The following HS6ST3 variants were observed in gnomAD, a reference collection of about 807,000 sequenced individuals.
HS6ST3 encodes the protein heparan-sulfate 6-O-sulfotransferase 3.
Under a neutral mutation model 36.7 loss-of-function variants are expected in HS6ST3, and 12 were observed. The ratio of observed to expected loss-of-function variants is 0.33; its 90% confidence interval spans 0.21 to 0.53. The LOEUF (loss-of-function observed/expected upper bound fraction) is 0.53. Ranked by LOEUF, HS6ST3 falls within the 20% of genes least tolerant of loss-of-function variation. The pLI, the probability that HS6ST3 is intolerant of heterozygous loss-of-function variation, is 0.95. For synonymous variants in HS6ST3, 240 were observed against 257.5 expected (o/e 0.93, Z 0.65); for missense variants, 584 against 640.9 (o/e 0.91, Z 0.96).
intron 1 of HS6ST3, among the ~76,000 whole-genome samples, chr13:96,484,005 C>G (rs1418759043): frequency 1.3e-5 from 2 of 152,136 alleles, no homozygotes; most frequent in Non-Finnish European, 2.9e-5. Context: ...AAAAGACTAT[C>G]TTTCCTTCAT....
chr13:96,439,348 G>T (rs966507410), intron 1 of HS6ST3, among the ~76,000 whole-genome samples: 2 of 152,254 alleles, frequency 1.3e-5, no homozygotes, highest in African/African-American at 4.8e-5. Context: ...TAGACTGGCT[G>T]TGGTAATCTC....
At chr13:96,260,514 C>T (rs2054660392) in intron 1 of HS6ST3, among the ~76,000 whole-genome samples, 2 of 151,798 alleles carry the variant, frequency 1.3e-5, no homozygotes, top group African/African-American at 4.8e-5. Context: ...GGGGTTTCAC[C>T]ATGTTAGCCA....
At chr13:96,375,464 A>G (rs377071676) in intron 1 of HS6ST3, among the ~76,000 whole-genome samples, 22 of 152,334 alleles carry the variant, frequency 1.4e-4, no homozygotes, top group African/African-American at 5.3e-4. Flanking sequence ...ATGCACAAAA[A>G]ATACTCATTG....
chr13:96,712,042 C>T (rs910462314), intron 1 of HS6ST3, among the ~76,000 whole-genome samples: 2 of 152,180 alleles, frequency 1.3e-5, no homozygotes, highest in Non-Finnish European at 2.9e-5. Flanking sequence ...TTGTGTTGAA[C>T]TCCATTTTCC....
intron 1 of HS6ST3, among the ~76,000 whole-genome samples, chr13:96,774,175 G>A (rs1456838817): frequency 6.6e-6 from 1 of 152,020 alleles, no homozygotes; most frequent in African/African-American, 2.4e-5. Flanking sequence ...CCATTCAAAG[G>A]TCACCAACAT....
chr13:96,491,819 C>T (rs2055947393), intron 1 of HS6ST3, among the ~76,000 whole-genome samples: 1 of 152,160 alleles, frequency 6.6e-6, no homozygotes, highest in Admixed American at 6.6e-5. Context: ...TCAGATCTCT[C>T]AATTCCAGCC....
At chr13:96,668,632 T>C (rs1279951266) in intron 1 of HS6ST3, among the ~76,000 whole-genome samples, 1 of 139,808 alleles carries the variant, frequency 7.2e-6, no homozygotes, top group Non-Finnish European at 1.5e-5. Flanking sequence ...TGTGTCACCC[T>C]GGTTCTGGGA....
intron 1 of HS6ST3, among the ~76,000 whole-genome samples, chr13:96,355,998 C>T (rs1398162170): frequency 3.3e-5 from 5 of 152,168 alleles, no homozygotes; most frequent in South Asian, 4.1e-4. Flanking sequence ...ACTTTCTTTG[C>T]TCATCCATGA....
At chr13:96,260,578 A>G (rs1161892082) in intron 1 of HS6ST3, among the ~76,000 whole-genome samples, 1 of 151,610 alleles carries the variant, frequency 6.6e-6, no homozygotes, top group Non-Finnish European at 1.5e-5. Flanking sequence ...CTCCCAAACC[A>G]AAGTGCTGGG....
At chr13:96,233,885 T>A in intron 1 of HS6ST3, among the ~76,000 whole-genome samples, 1 of 151,920 alleles carries the variant, frequency 6.6e-6, no homozygotes, top group Non-Finnish European at 1.5e-5. Flanking sequence ...GTGTTAAGGA[T>A]CAACATGGTC....
chr13:96,138,280 G>A (rs9590363), intron 1 of HS6ST3, among the ~76,000 whole-genome samples: 13 of 151,720 alleles, frequency 8.6e-5, no homozygotes, highest in Non-Finnish European at 1.3e-4. Context: ...CTTTATACTA[G>A]CTAAAGATTG....
chr13:96,743,349 T>G (rs746018958), intron 1 of HS6ST3, among the ~76,000 whole-genome samples: 1 of 152,072 alleles, frequency 6.6e-6, no homozygotes, highest in Non-Finnish European at 1.5e-5. Context: ...TGAAGGATAT[T>G]GAACAGTCAC....
intron 1 of HS6ST3, among the ~76,000 whole-genome samples, chr13:96,229,621 A>T (rs944388858): frequency 2.0e-5 from 3 of 152,174 alleles, no homozygotes; most frequent in Admixed American, 6.5e-5. Context: ...TTATCTCCCA[A>T]AGGCTCCACC....
intron 1 of HS6ST3, among the ~76,000 whole-genome samples, chr13:96,730,969 C>T (rs1876136229): frequency 2.0e-5 from 3 of 152,036 alleles, no homozygotes; most frequent in South Asian, 4.2e-4. Context: ...TGGGCTCAAG[C>T]GATCCTCCTG....
At chr13:96,148,057 T>G (rs936531282) in intron 1 of HS6ST3, among the ~76,000 whole-genome samples, 3 of 152,222 alleles carry the variant, frequency 2.0e-5, no homozygotes, top group African/African-American at 7.2e-5. Context: ...ATCTTCCTTG[T>G]CTGTATTAAT....
At chr13:96,421,650 C>T (rs947660836) in intron 1 of HS6ST3, among the ~76,000 whole-genome samples, 7 of 152,026 alleles carry the variant, frequency 4.6e-5, no homozygotes, top group African/African-American at 1.4e-4. Flanking sequence ...GACCTGCATT[C>T]ATCTCTGAGG....
chr13:96,632,320 TG>T (rs1341675792), intron 1 of HS6ST3, among the ~76,000 whole-genome samples: 4 of 150,660 alleles, frequency 2.7e-5, no homozygotes, highest in African/African-American at 9.7e-5. Flanking sequence ...TGTTTTTTTT[TG>T]TTTGTTTGTT....
chr13:96,665,096 C>T lies in HS6ST3; in HGVS notation c.708-167394C>T, dbSNP rs565023562. ...CTGAGCTGGGAGGATGGCTTGAGCCCGGGAGGTCAAGGCTGCAGTGAGCTG... is the reference window on the plus strand; with the variant it reads ...CTGAGCTGGGAGGATGGCTTGAGCCTGGGAGGTCAAGGCTGCAGTGAGCTG... On this transcript the variant is annotated intron_variant, in intron 1 of 1. Transcript: ENST00000376705. Among the ~76,000 whole-genome samples, 68 of 152,164 alleles carry T rather than the reference C, an allele frequency of 4.5e-4. 1 individual carries two copies. The South Asian group carries it at 0.012, about 27-fold the overall frequency.
chr13:96,615,080 G>A (rs536777102), intron 1 of HS6ST3, among the ~76,000 whole-genome samples: 2 of 152,088 alleles, frequency 1.3e-5, no homozygotes, highest in African/African-American at 4.8e-5. Flanking sequence ...TAGGTTTTAT[G>A]ATTTTGAAAA....
Sources: allele counts gnomAD v4.1 joint callset (sites outside exome capture counted in the v4.1 genomes callset), GRCh38; gene constraint gnomAD v4.1.1; transcripts MANE v1.5; gene names NCBI Gene and HGNC (gene_info 2026-07-23, HGNC 2026-07-21).